LONRF3: variants seen among roughly 807,000 people sequenced by gnomAD.
The protein encoded by LONRF3 is LON peptidase N-terminal domain and ring finger 3.
A neutral mutation model predicts 51.7 loss-of-function variants in LONRF3; 19 were observed. That is an observed-to-expected ratio of 0.37 (90% CI 0.26 to 0.54). The LOEUF is 0.54. LONRF3 is among the 20% of genes least tolerant of loss of function. LONRF3 has a pLI of 0.86. For missense variants in LONRF3, 521 were observed against 623.9 expected (o/e 0.84, Z 1.76); for synonymous variants, 265 against 257.8 (o/e 1.03, Z -0.27).
intron 1 of LONRF3, 66 bp from the exon 2 acceptor site, chrX:118,978,279 T>C (rs1331236125): frequency 2.2e-5 from 15 of 678,742 alleles, no homozygotes; most frequent in Non-Finnish European, 3.6e-5. Context: ...TCCATACTCA[T>C]ACAGGACTTA....
intron 10 of LONRF3, among the ~76,000 whole-genome samples, chrX:119,016,695 C>A (rs2316007): frequency 0.019 from 2,073 of 111,589 alleles, 37 homozygotes; most frequent in African/African-American, 0.064. Context: ...GGAATTTTTG[C>A]AAAGTGAGAT....
chrX:118,985,596 T>TG (rs1206325507), intron 3 of LONRF3, among the ~76,000 whole-genome samples: 2 of 112,408 alleles, frequency 1.8e-5, no homozygotes, highest in Admixed American at 9.4e-5. Flanking sequence ...ATTGGGTATC[T>TG]GTTATGTGCC....
At chrX:118,977,959 C>T (rs764287207) in intron 1 of LONRF3, among the ~76,000 whole-genome samples, 54 of 111,380 alleles carry the variant, frequency 4.8e-4, no homozygotes, top group Non-Finnish European at 7.9e-4. Flanking sequence ...GTCACATCTG[C>T]CCACCTCTCT....
Position 118,974,674 on chromosome X carries a change from G to C in LONRF3, c.-107G>C. The stretch of plus-strand genomic sequence containing the variant: ...TCCCGGAGGCGCGGCAGGGTCAGGA[G>C]CTCGGTGGCATGGCGGCGGTGGCTG... On this transcript the variant is annotated 5_prime_UTR_variant, in exon 1 of 11. Transcript: ENST00000371628. 1.4e-6 allele frequency: 1 copy of C among 708,275 alleles called. No homozygotes were observed. The highest frequency in any genetic ancestry group is 2.1e-6 in the Non-Finnish European group (1 of 487,051). The allele number at this position is 708,275 out of a possible 1,213,427, so 58.4% of individuals were successfully genotyped here.
chrX:119,012,818 T>C (rs1925199744), intron 8 of LONRF3: 7 of 955,819 alleles, frequency 7.3e-6, no homozygotes, highest in Non-Finnish European at 1.0e-5. Context: ...CAGCACATAG[T>C]ATGTGCTCAA....
intron 3 of LONRF3, among the ~76,000 whole-genome samples, chrX:118,986,171 C>T (rs1413094180): frequency 3.6e-5 from 4 of 110,893 alleles, no homozygotes; most frequent in Admixed American, 1.9e-4. Context: ...TACATTAGAA[C>T]GCACGTCTAC....
chrX:118,975,730 GGGT>G, intron 1 of LONRF3, 133 bp downstream of exon 1: 1 of 430,218 alleles, frequency 2.3e-6, no homozygotes. Context: ...GACTGTGGCG[GGGT>G]GGGGGAGGGG....
chrX:118,987,237 G>A (rs771249138), intron 3 of LONRF3, among the ~76,000 whole-genome samples: 2 of 110,228 alleles, frequency 1.8e-5, no homozygotes, highest in East Asian at 5.7e-4. Flanking sequence ...TCTTAAAGAT[G>A]CAACTGTGAA....
chrX:118,994,234 G>A (rs1222581380), intron 5 of LONRF3, among the ~76,000 whole-genome samples: 1 of 111,557 alleles, frequency 9.0e-6, no homozygotes, highest in Non-Finnish European at 1.9e-5. Context: ...CCACTTAAAA[G>A]ATACAGAACC....
chrX:119,011,403 A>G (rs961032583), intron 7 of LONRF3, among the ~76,000 whole-genome samples: 7 of 111,429 alleles, frequency 6.3e-5, no homozygotes, highest in African/African-American at 2.3e-4. Flanking sequence ...AGCTGAGTCC[A>G]CTTCTATCAT....
chrX:118,987,413 G>T (rs1319836564), intron 3 of LONRF3, among the ~76,000 whole-genome samples: 1 of 100,088 alleles, frequency 1.0e-5, no homozygotes, highest in Admixed American at 1.1e-4. Flanking sequence ...GAGTAGCTGG[G>T]ACTATAGGCA....
At chrX:119,009,499 G>A (rs1422060871) in intron 7 of LONRF3, among the ~76,000 whole-genome samples, 6 of 111,923 alleles carry the variant, frequency 5.4e-5, no homozygotes, top group Non-Finnish European at 1.1e-4. Context: ...ATGAGGGTAC[G>A]CCCTGCCCCC....
chrX:119,004,838 T>TAAAGATAAAGCTGTTC (rs1374944658), intron 5 of LONRF3, among the ~76,000 whole-genome samples: 1 of 112,563 alleles, frequency 8.9e-6, no homozygotes. Flanking sequence ...TAAAGCTGTT[T>TAAAGATAAAGCTGTTC]AAAGATAAAG....
intron 10 of LONRF3, 42 bp from the exon 11 acceptor site, chrX:119,017,493 T>C (rs774537424): frequency 8.5e-7 from 1 of 1,173,721 alleles, no homozygotes; most frequent in Admixed American, 2.3e-5. Context: ...CTGATGTTCT[T>C]GGATGGGAAT....
rs148027512 is a variant in LONRF3 at position 118,989,528 on chromosome X, C to G, written c.1180C>G (p.Gln394Glu). Residue 394 changes from glutamine (Q) to glutamate (E), a missense_variant, in exon 4 of 11, where the codon CAG becomes GAG. By Grantham distance (29) the Gln-to-Glu change is conservative. Coordinates refer to ENST00000371628, the MANE Select transcript of LONRF3 (RefSeq NM_001031855.3). Reference protein sequence around the residue: ...GDGQQHHMKDQEEEEEKWDAT... With the variant: ...GDGQQHHMKDEEEEEEKWDAT... Reference sequence around the variant, plus strand: ...TGGTCAGCAGCACCACATGAAAGACCAGGAAGAAGAGGAGGAGAAGTGGGA... The same window carrying G: ...TGGTCAGCAGCACCACATGAAAGACGAGGAAGAAGAGGAGGAGAAGTGGGA... 229 of 1,209,543 alleles carry G rather than the reference C, an allele frequency of 1.9e-4. No homozygotes were observed. In the African/African-American group the frequency reaches 3.7e-3, roughly 20 times the overall value.
At chrX:119,001,641 C>G (rs1257064442) in intron 5 of LONRF3, among the ~76,000 whole-genome samples, 2 of 112,051 alleles carry the variant, frequency 1.8e-5, no homozygotes, top group African/African-American at 6.5e-5. Context: ...TTCTAAGCAT[C>G]TGAACCCTGA....
chrX:118,982,836 G>A lies in LONRF3; in HGVS notation c.952G>A (p.Ala318Thr), dbSNP rs763495957. Residue 318 changes from alanine to threonine, a missense_variant, in exon 3 of 11, where the codon GCC (alanine) becomes ACC (threonine). Physicochemically the swap from Ala to Thr is moderately conservative, Grantham distance 58 (BLOSUM62 0). This residue lies in a region of LONRF3 where 376 missense variants were observed against 376.7 expected (regional missense o/e 1.00). Transcript: ENST00000371628. ...PMGFKAHFRK[A>T]QALATLGKVE... is the part of the protein sequence containing the mutation. ...TTCCTTCCAGGCACATTTCAGAAAAGCCCAAGCCTTAGCCACCCTAGGCAA... is the reference window on the plus strand; with the variant it reads ...TTCCTTCCAGGCACATTTCAGAAAAACCCAAGCCTTAGCCACCCTAGGCAA... 1.7e-6 allele frequency: 2 copies of A among 1,211,515 alleles called. No individual in the cohort carries two copies. The highest frequency in any genetic ancestry group is 2.2e-6 in the Non-Finnish European group (2 of 895,271).
At chrX:118,997,857 A>G (rs908592453) in intron 5 of LONRF3, among the ~76,000 whole-genome samples, 1 of 112,956 alleles carries the variant, frequency 8.9e-6, no homozygotes, top group African/African-American at 3.2e-5. Flanking sequence ...CAAATGGCCA[A>G]CAAACATAAA....
intron 5 of LONRF3, among the ~76,000 whole-genome samples, chrX:119,000,775 TTCTCTC>T (rs200671696): frequency 1.6e-3 from 89 of 55,782 alleles, no homozygotes; most frequent in South Asian, 2.7e-3. Flanking sequence ...TTCACTCTCA[TTCTCTC>T]TCTCTCTCTC....
Sources: gnomAD v4.1 joint callset for allele counts (sites outside exome capture counted in the v4.1 genomes callset) on GRCh38, gnomAD v4.1.1 for gene constraint, gnomAD v4.1.1 regional missense constraint, MANE v1.5 for transcripts, NCBI Gene and HGNC (gene_info 2026-07-23, HGNC 2026-07-21) for gene names.